PDGFD: variants seen among roughly 807,000 people sequenced by gnomAD.
The protein encoded by PDGFD is platelet derived growth factor D.
Under a neutral mutation model 44.7 loss-of-function variants are expected in PDGFD, and 30 were observed. That is an observed-to-expected ratio of 0.67 (90% CI 0.50 to 0.91). PDGFD has a LOEUF of 0.91. Among genes scored for constraint, PDGFD ranks in the 40% least tolerant of loss-of-function variants. The probability of loss-of-function intolerance (pLI) is 0.00; values close to 1 mark genes in which losing one functional copy is unlikely to be tolerated. For synonymous variants in PDGFD, 173 were observed against 168.4 expected (o/e 1.03, Z -0.21); for missense variants, 445 against 457.8 (o/e 0.97, Z 0.25).
chr11:104,130,908 T>G (rs1861910426), intron 1 of PDGFD, among the ~76,000 whole-genome samples: 1 of 152,222 alleles, frequency 6.6e-6, no homozygotes. Context: ...ATGCACATTA[T>G]CTTGTGTATT....
intron 3 of PDGFD, among the ~76,000 whole-genome samples, chr11:103,967,994 C>T (rs1859047011): frequency 6.6e-6 from 1 of 152,166 alleles, no homozygotes; most frequent in South Asian, 2.1e-4. Context: ...GATGTAAAGA[C>T]TCTTACTAAT....
At chr11:104,037,842 T>G (rs750678700) in intron 1 of PDGFD, 17 of 1,614,084 alleles carry the variant, frequency 1.1e-5, no homozygotes, top group Non-Finnish European at 1.4e-5. Flanking sequence ...GACATCAATG[T>G]TCCATCGATT....
intron 1 of PDGFD, among the ~76,000 whole-genome samples, chr11:104,131,057 A>G (rs1265447813): frequency 6.6e-6 from 1 of 152,212 alleles, no homozygotes; most frequent in African/African-American, 2.4e-5. Context: ...TTGTACAAAC[A>G]TAAATAAGAA....
At chr11:104,074,294 C>T (rs971416297) in intron 1 of PDGFD, among the ~76,000 whole-genome samples, 4 of 152,096 alleles carry the variant, frequency 2.6e-5, no homozygotes, top group Non-Finnish European at 1.5e-5. Context: ...AACAGTACAT[C>T]GTTGCTGTTT....
intron 3 of PDGFD, among the ~76,000 whole-genome samples, chr11:103,969,630 A>G (rs1859074713): frequency 6.6e-6 from 1 of 151,434 alleles, no homozygotes; most frequent in Admixed American, 6.6e-5. Flanking sequence ...TGTTAGAGCT[A>G]CTCCTTCAGG....
chr11:104,064,720 T>A (rs1860763441), intron 1 of PDGFD, among the ~76,000 whole-genome samples: 1 of 152,208 alleles, frequency 6.6e-6, no homozygotes. Context: ...TATGTTTTGG[T>A]CATACTCTAC....
At chr11:103,972,396 T>C (rs1169255079) in intron 3 of PDGFD, among the ~76,000 whole-genome samples, 1 of 152,164 alleles carries the variant, frequency 6.6e-6, no homozygotes, top group African/African-American at 2.4e-5. Flanking sequence ...TAGAGCAAGG[T>C]GGCACAGGGT....
chr11:104,158,660 G>A (rs994788963), intron 1 of PDGFD, among the ~76,000 whole-genome samples: 4 of 151,746 alleles, frequency 2.6e-5, no homozygotes, highest in East Asian at 3.9e-4. Context: ...GTGAAACCCC[G>A]TCTCTACTAA....
intron 1 of PDGFD, among the ~76,000 whole-genome samples, chr11:104,147,363 T>C (rs1175785451): frequency 6.6e-6 from 1 of 152,124 alleles, no homozygotes; most frequent in Non-Finnish European, 1.5e-5. Flanking sequence ...CAATAAGGTA[T>C]TTCCAAAGTC....
intron 1 of PDGFD, among the ~76,000 whole-genome samples, chr11:104,099,379 C>A (rs1004614150): frequency 6.6e-6 from 1 of 152,084 alleles, no homozygotes; most frequent in Non-Finnish European, 1.5e-5. Flanking sequence ...GTGGTTCACA[C>A]TTGTAATCCC....
chr11:103,919,407 A>C (rs1008075981), intron 6 of PDGFD, among the ~76,000 whole-genome samples: 1 of 151,980 alleles, frequency 6.6e-6, no homozygotes, highest in Admixed American at 6.6e-5. Context: ...GCCTTGTAAC[A>C]GTTCTCAAAT....
chr11:103,990,402 G>A (rs1362522672), intron 3 of PDGFD, among the ~76,000 whole-genome samples: 1 of 152,178 alleles, frequency 6.6e-6, no homozygotes, highest in Non-Finnish European at 1.5e-5. Context: ...TAGCTGGAAT[G>A]GGCTCCATAC....
At chr11:103,932,071 G>C (rs1340969368) in intron 5 of PDGFD, among the ~76,000 whole-genome samples, 1 of 152,086 alleles carries the variant, frequency 6.6e-6, no homozygotes, top group Non-Finnish European at 1.5e-5. Flanking sequence ...CATCTCCTAT[G>C]ACTCCTTCTC....
chr11:104,036,040 G>C (rs1433412710), intron 1 of PDGFD, among the ~76,000 whole-genome samples: 2 of 152,106 alleles, frequency 1.3e-5, no homozygotes, highest in Non-Finnish European at 2.9e-5. Flanking sequence ...CACATAGAAT[G>C]GTACTTGCCA....
At chr11:103,942,561 T>A (rs1858601544) in intron 5 of PDGFD, among the ~76,000 whole-genome samples, 1 of 152,130 alleles carries the variant, frequency 6.6e-6, no homozygotes, top group Non-Finnish European at 1.5e-5. Flanking sequence ...CTCTCACACA[T>A]CTCCAAACTA....
intron 1 of PDGFD, among the ~76,000 whole-genome samples, chr11:104,119,016 T>TTATATTAATATAA (rs1861696688): frequency 2.5e-4 from 1 of 4,002 alleles, no homozygotes; most frequent in African/African-American, 8.1e-4. Context: ...ATATAATATA[T>TTATATTAATATAA]TATATAATAT....
At chr11:103,917,574 T>C (rs1439563302) in intron 6 of PDGFD, among the ~76,000 whole-genome samples, 1 of 152,224 alleles carries the variant, frequency 6.6e-6, no homozygotes, top group Non-Finnish European at 1.5e-5. Flanking sequence ...TTACAGTTTT[T>C]GAATAATTTG....
intron 1 of PDGFD, 140 bp downstream of exon 1, chr11:104,163,664 G>T: frequency 9.7e-7 from 1 of 1,036,216 alleles, no homozygotes; most frequent in Non-Finnish European, 1.3e-6. Context: ...GATACAGGCA[G>T]GAGACCTCCC....
intron 3 of PDGFD, among the ~76,000 whole-genome samples, chr11:103,979,823 T>A (rs1436334440): frequency 6.6e-6 from 1 of 152,118 alleles, no homozygotes; most frequent in Non-Finnish European, 1.5e-5. Context: ...ATAGCATATA[T>A]ACATTTTTTT....
Sources: gnomAD v4.1 joint callset for allele counts (sites outside exome capture counted in the v4.1 genomes callset) on GRCh38, gnomAD v4.1.1 for gene constraint, MANE v1.5 for transcripts, NCBI Gene and HGNC (gene_info 2026-07-23, HGNC 2026-07-21) for gene names.